C12orf54: variants seen among roughly 807,000 people sequenced by gnomAD.
The protein encoded by C12orf54 is uncharacterized protein C12orf54.
A neutral mutation model predicts 26.4 loss-of-function variants in C12orf54; 24 were observed. That is an observed-to-expected ratio of 0.91 (90% CI 0.66 to 1.28). The LOEUF is 1.28. C12orf54 is among the 50% of genes most tolerant of loss of function. The probability of loss-of-function intolerance (pLI) is 0.00; values close to 1 mark genes in which losing one functional copy is unlikely to be tolerated. For synonymous variants in C12orf54, 54 were observed against 47.0 expected (o/e 1.15, Z -0.61); for missense variants, 154 against 150.9 (o/e 1.02, Z -0.11).
chr12:48,482,455 C>A (rs1360584676), upstream of C12orf54: 2 of 152,112 alleles, frequency 1.3e-5, no homozygotes, highest in Admixed American at 1.3e-4. Flanking sequence ...GCTGAAGTCA[C>A]AAAGTATTGA....
At chr12:48,440,117 C>T in the C12orf54 span, among the ~76,000 whole-genome samples, 1 of 151,588 alleles carries the variant, frequency 6.6e-6, no homozygotes, top group Admixed American at 6.6e-5. Flanking sequence ...CCCAGCTACT[C>T]GGAAGGCTGA....
In C12orf54 at chr12:48,484,501, A is replaced by G. The variant is rs140009801; in HGVS notation, c.65+1140A>G. 3.9e-4 allele frequency among the ~76,000 whole-genome samples: 60 copies of G among 152,324 alleles called. 1 individual carries two copies. The highest frequency in any genetic ancestry group is 1.4e-3 in the African/African-American group (57 of 41,568). On this transcript the variant is annotated intron_variant, in intron 2 of 8. Coordinates refer to ENST00000548364, the MANE Select transcript of C12orf54 (RefSeq NM_152319.4). ...TGAAGATATGCTTTTTTTGGTGGTAAAAGTGGACAGGACACTGTAAAAATA... is the reference window on the plus strand; with the variant it reads ...TGAAGATATGCTTTTTTTGGTGGTAGAAGTGGACAGGACACTGTAAAAATA...
chr12:48,430,511 A>T, the C12orf54 span, among the ~76,000 whole-genome samples: 1 of 152,250 alleles, frequency 6.6e-6, no homozygotes, highest in East Asian at 1.9e-4. Context: ...GACAATTCTC[A>T]AAAGAAGATA....
the C12orf54 span, among the ~76,000 whole-genome samples, chr12:48,424,430 G>A: frequency 3.3e-5 from 5 of 152,008 alleles, no homozygotes; most frequent in African/African-American, 7.2e-5. Context: ...TTCTATAAAT[G>A]TTTGTTAAAA....
At chr12:48,429,417 C>T in the C12orf54 span, among the ~76,000 whole-genome samples, 1 of 151,964 alleles carries the variant, frequency 6.6e-6, no homozygotes, top group African/African-American at 2.4e-5. Context: ...ACCTCAAAAA[C>T]CCTAAAGACT....
At chr12:48,464,372 T>C in the C12orf54 span, among the ~76,000 whole-genome samples, 1 of 151,408 alleles carries the variant, frequency 6.6e-6, no homozygotes, top group Non-Finnish European at 1.5e-5. Context: ...ACCAGGGAGG[T>C]GAAAGATCTC....
the C12orf54 span, among the ~76,000 whole-genome samples, chr12:48,458,007 T>C: frequency 2.6e-5 from 4 of 152,226 alleles, no homozygotes; most frequent in Admixed American, 2.6e-4. Context: ...CTCCCCAGTG[T>C]CTGAGCCCAG....
the C12orf54 span, among the ~76,000 whole-genome samples, chr12:48,426,216 G>A: frequency 2.6e-5 from 4 of 151,844 alleles, no homozygotes; most frequent in African/African-American, 7.3e-5. Context: ...TTATAGTTTT[G>A]TGTTTTACAT....
the C12orf54 span, among the ~76,000 whole-genome samples, chr12:48,437,014 C>T: frequency 3.5e-5 from 2 of 57,278 alleles, no homozygotes; most frequent in Non-Finnish European, 4.4e-5. Context: ...GCTAGCAAGA[C>T]TAATAAAGAA....
At chr12:48,457,754 T>A in the C12orf54 span, among the ~76,000 whole-genome samples, 1 of 152,116 alleles carries the variant, frequency 6.6e-6, no homozygotes, top group Non-Finnish European at 1.5e-5. Flanking sequence ...TGGCTTTGGG[T>A]CCTCTTTCTG....
chr12:48,478,411 G>A (rs1379430656), upstream of C12orf54, among the ~76,000 whole-genome samples: 2 of 152,184 alleles, frequency 1.3e-5, no homozygotes, highest in African/African-American at 2.4e-5. Context: ...AATCAGGCAG[G>A]AGAAGGAAAT....
chr12:48,494,864 G>A lies in C12orf54; in HGVS notation c.309G>A (p.Glu103=), dbSNP rs1475036193. ...KLRRLQFSSG[E]QPSGGRIHNL... The stretch of plus-strand genomic sequence containing the variant: ...GAAGATTGCAGTTCAGCTCTGGAGA[G>A]CAGCCATCAGGAGGCCGTATCCACA... Residue 103 remains glutamate (E), a synonymous_variant, in exon 8 of 9, where the codon GAG becomes GAA. Coordinates refer to ENST00000548364, the MANE Select transcript of C12orf54 (RefSeq NM_152319.4). The A allele has an allele frequency of 3.7e-6, 6 of 1,613,232 alleles. No homozygotes were observed. Among genetic ancestry groups the A allele is most frequent in the Non-Finnish European group, 5.1e-6 (6 of 1,179,290 alleles).
the C12orf54 span, among the ~76,000 whole-genome samples, chr12:48,453,704 GTATCT>G: frequency 6.8e-6 from 1 of 146,954 alleles, no homozygotes; most frequent in African/African-American, 2.6e-5. Context: ...TAAACCTAAG[GTATCT>G]TTTAAAGAAT....
At chr12:48,418,198 T>C in the C12orf54 span, among the ~76,000 whole-genome samples, 1 of 151,976 alleles carries the variant, frequency 6.6e-6, no homozygotes, top group Non-Finnish European at 1.5e-5. Context: ...CACTGCAAAA[T>C]GAAGGAAAGC....
At chr12:48,456,065 G>A in the C12orf54 span, among the ~76,000 whole-genome samples, 1 of 152,114 alleles carries the variant, frequency 6.6e-6, no homozygotes, top group Non-Finnish European at 1.5e-5. Context: ...CTAATATTAT[G>A]TCAGTAGTTT....
At chr12:48,462,483 A>C in the C12orf54 span, among the ~76,000 whole-genome samples, 3 of 151,676 alleles carry the variant, frequency 2.0e-5, no homozygotes, top group African/African-American at 7.2e-5. Context: ...AGATGCAAAA[A>C]TTTTAATAAA....
At chr12:48,448,060 A>G in the C12orf54 span, among the ~76,000 whole-genome samples, 1 of 152,220 alleles carries the variant, frequency 6.6e-6, no homozygotes, top group Non-Finnish European at 1.5e-5. Flanking sequence ...ACTGAAAAAA[A>G]TCAGCTATCA....
At chr12:48,440,762 CA>C in the C12orf54 span, among the ~76,000 whole-genome samples, 2 of 152,240 alleles carry the variant, frequency 1.3e-5, no homozygotes, top group African/African-American at 4.8e-5. Context: ...CACAATTTCA[CA>C]GATCCCAATT....
At chr12:48,435,509 G>A in the C12orf54 span, among the ~76,000 whole-genome samples, 1 of 152,196 alleles carries the variant, frequency 6.6e-6, no homozygotes, top group Non-Finnish European at 1.5e-5. Context: ...AGCAGCCAGA[G>A]AGAAAGGTCG....
Sources: gnomAD v4.1 joint callset for allele counts (sites outside exome capture counted in the v4.1 genomes callset) on GRCh38, gnomAD v4.1.1 for gene constraint, MANE v1.5 for transcripts, NCBI Gene and HGNC (gene_info 2026-07-23, HGNC 2026-07-21) for gene names.